Variants in CSF2RA observed in about 807,000 individuals in gnomAD.
CSF2RA encodes the protein colony stimulating factor 2 receptor subunit alpha, also known as granulocyte-macrophage colony-stimulating factor receptor subunit alpha.
In CSF2RA, 42 loss-of-function variants were observed where a neutral mutation model predicts 51.6. The ratio of observed to expected loss-of-function variants is 0.81; its 90% CI spans 0.64 to 1.05. CSF2RA has a LOEUF of 1.05. Ranked by LOEUF, CSF2RA falls within the 50% of genes least tolerant of loss-of-function variation. The probability of loss-of-function intolerance (pLI) is 0.00; values close to 1 mark genes in which losing one functional copy is unlikely to be tolerated. For synonymous variants in CSF2RA, 222 were observed against 193.0 expected (o/e 1.15, Z -1.24); for missense variants, 530 against 501.1 (o/e 1.06, Z -0.55).
downstream of CSF2RA, among the ~76,000 whole-genome samples, chrX:1,314,519 TGCCCAATCCCACTGCACC>T (rs2084403806): frequency 1.9e-5 from 2 of 107,878 alleles, no homozygotes; most frequent in African/African-American, 7.4e-5. Flanking sequence ...GCACTGCACC[TGCCCAATCCCACTGCACC>T]TGCCCAATCC....
In CSF2RA at chrX:1,305,476, A is replaced by G; in HGVS notation, c.1074A>G (p.Pro358=). 6.2e-7 allele frequency: 1 copy of G among 1,613,958 alleles called. No homozygotes were observed. The highest frequency in any genetic ancestry group is 2.2e-5 in the East Asian group (1 of 44,884). ...TTAGGATACAGCGGCTGTTCCCGCC[A>G]GTTCCACAGATCAAAGACAAACTGA... ...RFLRIQRLFP[P]VPQIKDKLND... The change falls in exon 12 of 13, where the codon CCA becomes CCG. Residue 358 remains proline (P), a synonymous_variant. Transcript: ENST00000381529.
intron 8 of CSF2RA, 112 bp from the exon 9 acceptor site, chrX:1,295,315 A>G (rs1187638150): frequency 2.2e-6 from 3 of 1,369,254 alleles, no homozygotes; most frequent in South Asian, 2.3e-5. Context: ...GCCACTCCGC[A>G]GGGACTCCTT....
chrX:1,313,754 C>T (rs1412721172), downstream of CSF2RA, among the ~76,000 whole-genome samples: 3 of 151,768 alleles, frequency 2.0e-5, no homozygotes, highest in African/African-American at 4.8e-5. Context: ...TTTGGGAGGC[C>T]GAGGTGGGCA....
chrX:1,308,904 T>C (rs1456409014), intron 12 of CSF2RA, among the ~76,000 whole-genome samples: 2 of 152,136 alleles, frequency 1.3e-5, no homozygotes, highest in Non-Finnish European at 1.5e-5. Flanking sequence ...TGAGGTCCCA[T>C]GGGTGGATCT....
intron 3 of CSF2RA, among the ~76,000 whole-genome samples, chrX:1,283,662 G>A (rs1402032573): frequency 6.6e-6 from 1 of 151,548 alleles, no homozygotes; most frequent in Non-Finnish European, 1.5e-5. Context: ...CAGCCTCCCG[G>A]GTTCAAGCGA....
chrX:1,283,389 T>TTCTCTTTCTTCCTTCCCTCCTTCCCTCTC (rs2090279706), intron 3 of CSF2RA, among the ~76,000 whole-genome samples: 1 of 149,050 alleles, frequency 6.7e-6, no homozygotes, highest in Admixed American at 6.7e-5. Flanking sequence ...CCTTCTTTCT[T>TTCTCTTTCTTCCTTCCCTCCTTCCCTCTC]TCTCTTTCTT....
chrX:1,275,834 A>G (rs1346276131), intron 2 of CSF2RA, among the ~76,000 whole-genome samples: 1 of 152,040 alleles, frequency 6.6e-6, no homozygotes, highest in South Asian at 2.1e-4. Context: ...TTGGGATTAC[A>G]GGCACCCGCC....
intron 12 of CSF2RA, among the ~76,000 whole-genome samples, chrX:1,306,640 C>T (rs1461718134): frequency 6.6e-6 from 1 of 151,720 alleles, no homozygotes; most frequent in Non-Finnish European, 1.5e-5. Context: ...GAGCAAAACT[C>T]TCTATCAAAA....
intron 12 of CSF2RA, among the ~76,000 whole-genome samples, chrX:1,308,920 A>C (rs1196768253): frequency 6.6e-6 from 1 of 152,116 alleles, no homozygotes; most frequent in Non-Finnish European, 1.5e-5. Flanking sequence ...GATCTGTCTC[A>C]GATCTTTACC....
intron 7 of CSF2RA, among the ~76,000 whole-genome samples, chrX:1,293,445 T>G (rs1273062756): frequency 6.6e-6 from 1 of 152,178 alleles, no homozygotes; most frequent in Non-Finnish European, 1.5e-5. Context: ...GGTCTCGACC[T>G]CCTGACCTCG....
chrX:1,291,199 G>C (rs1157443029), intron 7 of CSF2RA, among the ~76,000 whole-genome samples: 1 of 151,322 alleles, frequency 6.6e-6, no homozygotes, highest in East Asian at 1.9e-4. Context: ...TGGGATTACA[G>C]GCGTCAGCCA....
chrX:1,277,976 C>CAAAAA lies in CSF2RA; in HGVS notation c.-27+3171_-27+3175dup, dbSNP rs1329295237. Among the ~76,000 whole-genome samples the CAAAAA allele has an allele frequency of 1.9e-3, 196 of 105,050 alleles. 2 individuals carry two copies. The highest frequency in any genetic ancestry group is 7.4e-3 in the African/African-American group (187 of 25,108). The allele number at this position is 105,050 out of a possible 152,430, so 68.9% of individuals were successfully genotyped here. ...TGGGCAACAGAATGAGACTCAGTCTCAAAAAAAAAAAAAAAAATTTCAGGG... is the reference window on the plus strand; with the variant it reads ...TGGGCAACAGAATGAGACTCAGTCTCAAAAAAAAAAAAAAAAAAAAAATTTCAGGG... On this transcript the variant is annotated intron_variant, in intron 2 of 12. Transcript: ENST00000381529.
chrX:1,301,546 T>A (rs1306755820), intron 10 of CSF2RA, among the ~76,000 whole-genome samples: 1 of 148,974 alleles, frequency 6.7e-6, no homozygotes, highest in African/African-American at 2.5e-5. Flanking sequence ...GGTCAAACCG[T>A]CACCATTCCG....
rs1296244522 is a variant in CSF2RA at position 1,307,072 on chromosome X, A to T, written c.1125+1545A>T. 3.3e-5 allele frequency among the ~76,000 whole-genome samples: 5 copies of T among 151,328 alleles called. No individual in the cohort carries two copies. The East Asian group carries it at 9.7e-4, about 29-fold the overall frequency. ...GGAACCATGTGACCTGCACCCTGAG[A>T]CCCCATTGGCGCTCCTCTCCCACCC... is the stretch of plus-strand genomic sequence containing the variant. On this transcript the variant is annotated intron_variant, in intron 12 of 12. Transcript: ENST00000381529.
chrX:1,299,733 C>G (rs766519285), intron 9 of CSF2RA, among the ~76,000 whole-genome samples: 1 of 152,110 alleles, frequency 6.6e-6, no homozygotes, highest in Admixed American at 6.5e-5. Context: ...GCCTGGGCAA[C>G]ATGGAGAAAC....
At chrX:1,314,450 TTGCACTGCACCTGCCCAAC>T (rs2084378669), downstream of CSF2RA, among the ~76,000 whole-genome samples, 6 of 26,668 alleles carry the variant, frequency 2.2e-4, no homozygotes, top group African/African-American at 8.1e-4. Flanking sequence ...ACTTGCCCAA[TTGCACTGCACCTGCCCAAC>T]CCCAATGCAC....
At chrX:1,308,305 C>T (rs1425852147) in intron 12 of CSF2RA, among the ~76,000 whole-genome samples, 2 of 151,714 alleles carry the variant, frequency 1.3e-5, no homozygotes, top group Admixed American at 6.6e-5. Flanking sequence ...AGAGACTGAA[C>T]CCAAAAGAGG....
chrX:1,292,119 A>T lies in CSF2RA; in HGVS notation c.646+1610A>T, dbSNP rs751662851. Among the ~76,000 whole-genome samples the T allele has an allele frequency of 3.6e-3, 332 of 91,078 alleles. No individual in the cohort carries two copies. In the Middle Eastern group the frequency reaches 0.037, roughly 10 times the overall value. 59.8% of individuals were successfully genotyped at this position (91,078 alleles called of 152,430 possible). ...CCACCTCCACCTGGACCCAGTGTAG[A>T]CAAAGAGGTGTCCCTACTCCACGTC... On this transcript the variant is annotated intron_variant, in intron 7 of 12. Coordinates refer to ENST00000381529, the MANE Select transcript of CSF2RA (RefSeq NM_172245.4).
At chrX:1,270,699 T>A (rs1292081138) in intron 1 of CSF2RA, among the ~76,000 whole-genome samples, 1 of 151,320 alleles carries the variant, frequency 6.6e-6, no homozygotes, top group African/African-American at 2.4e-5. Context: ...ATGGCTGACC[T>A]CCAGGGAATG....
Sources: gnomAD v4.1 joint callset for allele counts (sites outside exome capture counted in the v4.1 genomes callset) on GRCh38, gnomAD v4.1.1 for gene constraint, MANE v1.5 for transcripts, NCBI Gene and HGNC (gene_info 2026-07-23, HGNC 2026-07-21) for gene names.